PRIMPOL: variants seen among roughly 807,000 people sequenced by gnomAD.
PRIMPOL encodes the protein primase and DNA directed polymerase.
In PRIMPOL, 54 loss-of-function variants were observed where a neutral mutation model predicts 63.6. The ratio of observed to expected loss-of-function variants is 0.85; its 90% CI spans 0.68 to 1.07. The LOEUF is 1.07. PRIMPOL is among the 50% of genes least tolerant of loss of function. PRIMPOL has a pLI of 0.00. For synonymous variants in PRIMPOL, 197 were observed against 220.2 expected, an observed-to-expected ratio of 0.89 and a Z score of 0.93; for missense variants, 610 against 648.3, an observed-to-expected ratio of 0.94 and a Z score of 0.64.
chr4:184,675,841 A>G (rs540882186), intron 7 of PRIMPOL, among the ~76,000 whole-genome samples: 1 of 152,238 alleles, frequency 6.6e-6, no homozygotes, highest in Admixed American at 6.5e-5. Flanking sequence ...AAACAAACAA[A>G]AAAACTCACA....
chr4:184,690,219 G>T (rs776778182), intron 11 of PRIMPOL, among the ~76,000 whole-genome samples: 1 of 152,058 alleles, frequency 6.6e-6, no homozygotes, highest in Non-Finnish European at 1.5e-5. Flanking sequence ...TGCTTTTTAA[G>T]TTTGCTTAGT....
intron 7 of PRIMPOL, among the ~76,000 whole-genome samples, chr4:184,673,941 C>T (rs1202778977): frequency 3.9e-5 from 6 of 152,200 alleles, no homozygotes; most frequent in Non-Finnish European, 7.3e-5. Context: ...AGCAGCCACA[C>T]GGGCAGAGGC....
At chr4:184,657,037 C>G in intron 2 of PRIMPOL, 45 bp from the exon 3 acceptor site, 2 of 821,604 alleles carry the variant, frequency 2.4e-6, no homozygotes, top group East Asian at 3.2e-5. Context: ...AAAATATATT[C>G]TAAACAAAGA....
At chr4:184,694,126 G>A (rs576489982) in intron 13 of PRIMPOL, 3 of 660,232 alleles carry the variant, frequency 4.5e-6, no homozygotes, top group East Asian at 2.7e-4. Flanking sequence ...CCATGTTTAC[G>A]ATTTGCTAAA....
Position 184,672,192 on chromosome 4 carries a change from T to C in PRIMPOL, c.576T>C (p.Ile192=). 1 of 1,604,430 alleles carries C rather than the reference T, an allele frequency of 6.2e-7. No individual in the cohort carries two copies. Among genetic ancestry groups the C allele is most frequent in the Non-Finnish European group, 8.5e-7 (1 of 1,177,350 alleles). ...NIHVGNFLRK[I]LQPALDLLGS... is the part of the protein sequence containing the mutation. Reference sequence around the variant, plus strand: ...CCTTAGGTAATTTTTTGAGAAAAATTTTGCAGCCTGCTCTTGACTTGCTTG... The same window carrying C: ...CCTTAGGTAATTTTTTGAGAAAAATCTTGCAGCCTGCTCTTGACTTGCTTG... Residue 192 remains isoleucine (I), a synonymous_variant, in exon 7 of 14, where the codon ATT becomes ATC. Coordinates refer to ENST00000314970, the MANE Select transcript of PRIMPOL (RefSeq NM_152683.4).
At chr4:184,668,980 C>T (rs917529389) in intron 6 of PRIMPOL, among the ~76,000 whole-genome samples, 3 of 152,108 alleles carry the variant, frequency 2.0e-5, no homozygotes, top group Non-Finnish European at 4.4e-5. Flanking sequence ...TCATTCAGCT[C>T]CTATCATGGG....
chr4:184,674,490 A>C (rs1752754070), intron 7 of PRIMPOL, among the ~76,000 whole-genome samples: 1 of 152,110 alleles, frequency 6.6e-6, no homozygotes, highest in Non-Finnish European at 1.5e-5. Context: ...ACTGTGGGTT[A>C]GTTTTGCCTG....
At chr4:184,667,051 T>TA (rs1750113833) in intron 6 of PRIMPOL, among the ~76,000 whole-genome samples, 1 of 152,152 alleles carries the variant, frequency 6.6e-6, no homozygotes, top group African/African-American at 2.4e-5. Flanking sequence ...GCTAGCGTCT[T>TA]AGAGTTTCAC....
intron 11 of PRIMPOL, among the ~76,000 whole-genome samples, chr4:184,689,745 T>C (rs2696039): frequency 0.74 from 112,757 of 151,650 alleles, 43,849 homozygotes; most frequent in East Asian, 0.99. Flanking sequence ...CGAGCCACCA[T>C]GCCCGGCCTG....
At chr4:184,693,822 G>T (rs559023828) in intron 13 of PRIMPOL, among the ~76,000 whole-genome samples, 6 of 152,100 alleles carry the variant, frequency 3.9e-5, no homozygotes, top group African/African-American at 1.4e-4. Context: ...AGCACGTAGC[G>T]GAAAGAATAA....
intron 13 of PRIMPOL, 64 bp downstream of exon 13, chr4:184,691,776 G>C: frequency 1.6e-6 from 2 of 1,238,130 alleles, no homozygotes; most frequent in Non-Finnish European, 2.4e-6. Context: ...GTATACCTGA[G>C]CCATGAGTAG....
At chr4:184,691,797 G>A in intron 13 of PRIMPOL, 85 bp downstream of exon 13, 1 of 983,790 alleles carries the variant, frequency 1.0e-6, no homozygotes, top group Admixed American at 2.0e-5. Flanking sequence ...TGTCCAAATA[G>A]CATTGAAACC....
Position 184,665,924 on chromosome 4 carries a change from G to C in PRIMPOL, c.416G>C (p.Cys139Ser). 1 of 1,581,036 alleles carries C rather than the reference G, an allele frequency of 6.3e-7. No individual in the cohort carries two copies. The highest frequency in any genetic ancestry group is 8.6e-7 in the Non-Finnish European group (1 of 1,166,654). Residue 139 changes from cysteine to serine, a missense_variant, in exon 6 of 14, where the codon TGT becomes TCT. This residue lies in a region of PRIMPOL where 159 missense variants were observed against 168.9 expected (regional missense o/e 0.94). Coordinates refer to ENST00000314970, the MANE Select transcript of PRIMPOL (RefSeq NM_152683.4). ...TTTTACTTGTGTTTTTAGTATGTGT[G>C]TAAAGCACTTCAAGAGTTATACGGT... Reference protein sequence around the residue: ...KMVALLIEYVCKALQELYGVN... With the variant: ...KMVALLIEYVSKALQELYGVN...
rs750065538 is a variant in PRIMPOL, at chr4:184,661,760, A to G, written c.279-14A>G. The stretch of plus-strand genomic sequence containing the variant: ...TAATATATCAATTTAACAATCTTGA[A>G]TTATTCAATTTAGAAAAAATCTCTT... On this transcript the variant is annotated splice_polypyrimidine_tract_variant and intron_variant, in intron 4 of 13. Transcript: ENST00000314970. 3.9e-6 allele frequency: 6 copies of G among 1,532,182 alleles called. No homozygotes were observed. In the Admixed American group the frequency reaches 1.0e-4, roughly 27 times the overall value. 94.9% of individuals were successfully genotyped at this position (1,532,182 alleles called of 1,614,324 possible). A position where few individuals can be genotyped will look rare whatever the true frequency, so the allele number is the denominator to read the frequency against.
At chr4:184,690,506 C>G (rs1320623565) in intron 11 of PRIMPOL, among the ~76,000 whole-genome samples, 2 of 152,124 alleles carry the variant, frequency 1.3e-5, no homozygotes, top group African/African-American at 4.8e-5. Flanking sequence ...GTCACCCGGG[C>G]TGGAGAGCAG....
Position 184,694,687 on chromosome 4 carries a change from T to C in PRIMPOL, c.1591T>C (p.Leu531=). ...YFLEATEDAE[L]AEAAENSLLS... ...TTTAGAAGCTACTGAAGATGCTGAA[T>C]TAGCTGAAGCTGCAGAGAACAGTCT... Residue 531 remains leucine, a synonymous_variant, in exon 14 of 14, where the codon TTA becomes CTA. Coordinates refer to ENST00000314970, the MANE Select transcript of PRIMPOL (RefSeq NM_152683.4). 1 of 1,614,046 alleles carries C rather than the reference T, an allele frequency of 6.2e-7. No individual in the cohort carries two copies. Among genetic ancestry groups the C allele is most frequent in the East Asian group, 2.2e-5 (1 of 44,884 alleles).
chr4:184,675,194 T>C (rs567009230), intron 7 of PRIMPOL, among the ~76,000 whole-genome samples: 1 of 152,256 alleles, frequency 6.6e-6, no homozygotes, highest in Non-Finnish European at 1.5e-5. Flanking sequence ...CAGTGTAGTA[T>C]GTACTATGGT....
intron 11 of PRIMPOL, among the ~76,000 whole-genome samples, chr4:184,685,985 A>G (rs1342060567): frequency 6.6e-6 from 1 of 152,086 alleles, no homozygotes; most frequent in African/African-American, 2.4e-5. Context: ...TATTTTTAGT[A>G]GAGACAAGGT....
intron 6 of PRIMPOL, among the ~76,000 whole-genome samples, chr4:184,666,676 T>C (rs192801435): frequency 6.6e-6 from 1 of 152,332 alleles, no homozygotes; most frequent in Admixed American, 6.5e-5. Context: ...GAGAGGCCTT[T>C]CCATTTCAAG....
Sources: gnomAD v4.1 joint callset for allele counts (sites outside exome capture counted in the v4.1 genomes callset) on GRCh38, gnomAD v4.1.1 for gene constraint, gnomAD v4.1.1 regional missense constraint, MANE v1.5 for transcripts, NCBI Gene and HGNC (gene_info 2026-07-23, HGNC 2026-07-21) for gene names.